The following TM7SF3 variants were observed in gnomAD, a reference collection of about 807,000 sequenced individuals.
The protein encoded by TM7SF3 is transmembrane 7 superfamily member 3, also known as seven span transmembrane protein.
A neutral mutation model predicts 65.5 loss-of-function variants in TM7SF3; 60 were observed. The observed-to-expected ratio is 0.92, with a 90% CI of 0.74 to 1.14. The LOEUF is 1.14. Among genes scored for constraint, TM7SF3 ranks in the 50% most tolerant of loss-of-function variants. TM7SF3 has a pLI of 0.00. For missense variants in TM7SF3, 623 were observed against 684.8 expected, an observed-to-expected ratio of 0.91 and a Z score of 1.01; for synonymous variants, 264 against 259.6, an observed-to-expected ratio of 1.02 and a Z score of -0.16.
Position 26,972,320 on chromosome 12 carries a change from A to G in TM7SF3, c.*1645T>C, listed in dbSNP as rs529278804. 1 of 152,342 alleles carries G rather than the reference A, an allele frequency of 6.6e-6. No individual in the cohort carries two copies. Among genetic ancestry groups the G allele is most frequent in the Non-Finnish European group, 1.5e-5 (1 of 68,034 alleles). The allele number at this position is 152,342 out of a possible 1,614,324, so 9.4% of individuals were successfully genotyped here. A position where few individuals can be genotyped will look rare whatever the true frequency, so the allele number is the denominator to read the frequency against. ...TGTACAAAGGCTTTGTACAGAAATT[A>G]TTAAAAACTATATTTTACACTAATG... On this transcript the variant is annotated 3_prime_UTR_variant, in exon 12 of 12. Coordinates refer to ENST00000343028, the MANE Select transcript of TM7SF3 (RefSeq NM_016551.3).
In TM7SF3 at chr12:26,992,576, G is replaced by A. The variant is rs150400881; in HGVS notation, c.691-1949C>T. Among the ~76,000 whole-genome samples the A allele has an allele frequency of 1.8e-3, 278 of 152,238 alleles. 1 individual carries two copies. Among genetic ancestry groups the A allele is most frequent in the East Asian group, 0.01 (54 of 5,170 alleles). On this transcript the variant is annotated intron_variant, in intron 5 of 11. Transcript: ENST00000343028. The stretch of plus-strand genomic sequence containing the variant: ...TGGGATTACAGGCGTGAGCCACCAT[G>A]TCCGGCCCACAAATGCTATTTTATA...
intron 1 of TM7SF3, among the ~76,000 whole-genome samples, chr12:27,006,433 G>A (rs1941040280): frequency 2.0e-5 from 3 of 152,008 alleles, no homozygotes; most frequent in African/African-American, 4.8e-5. Flanking sequence ...CACCACGCCA[G>A]GCCAACTCTA....
Position 26,974,044 on chromosome 12 carries a change from A to G in TM7SF3, c.1634T>C (p.Leu545Pro), listed in dbSNP as rs141442318. The G allele has an allele frequency of 1.3e-4, 213 of 1,614,002 alleles. No homozygotes were observed. Among genetic ancestry groups the G allele is most frequent in the Non-Finnish European group, 1.7e-4 (197 of 1,180,032 alleles). Residue 545 changes from leucine (L) to proline (P), a missense_variant, in exon 12 of 12, where the codon CTC (leucine) becomes CCC (proline). Physicochemically the swap from Leu to Pro is moderately conservative, Grantham distance 98. Coordinates refer to ENST00000343028, the MANE Select transcript of TM7SF3 (RefSeq NM_016551.3). ...SYHIPPLRER[L>P]YGRLTQIKGL... Reference sequence around the variant, plus strand: ...TTTAATCTGGGTTAATCGGCCATAGAGCCTCTCTCTCAATGGAGGAATGTG... The same window carrying G: ...TTTAATCTGGGTTAATCGGCCATAGGGCCTCTCTCTCAATGGAGGAATGTG...
In TM7SF3 at chr12:26,975,665, A is replaced by G; in HGVS notation, c.1288-7T>C. The G allele has an allele frequency of 6.2e-7, 1 of 1,611,490 alleles. No homozygotes were observed. The highest frequency in any genetic ancestry group is 8.5e-7 in the Non-Finnish European group (1 of 1,178,586). ...CACAAGTCAGTATGTTCAGCTGTGG[A>G]AGAGTGGAAGAGTTTAGGCATCATC... On this transcript the variant is annotated splice_polypyrimidine_tract_variant and splice_region_variant and intron_variant, in intron 10 of 11. Coordinates refer to ENST00000343028, the MANE Select transcript of TM7SF3 (RefSeq NM_016551.3).
At chr12:26,999,448 A>G in intron 3 of TM7SF3, 78 bp downstream of exon 3, 1 of 1,450,726 alleles carries the variant, frequency 6.9e-7, no homozygotes, top group Non-Finnish European at 9.5e-7. Context: ...CAATCTCAAT[A>G]GGATAATTTT....
At position 26,980,259 on chromosome 12, in the gene TM7SF3, GA is replaced by G. The variant is rs941507283; in HGVS notation, c.1036+306del. On this transcript the variant is annotated intron_variant, in intron 8 of 11. Coordinates refer to ENST00000343028, the MANE Select transcript of TM7SF3 (RefSeq NM_016551.3). ...AGGGAGGTATCTGTTTTCAGGTAAA[GA>G]AAACCTCAACATTTTGCTTGTTGTA... 1.5e-5 allele frequency: 8 copies of G among 526,450 alleles called. No individual in the cohort carries two copies. The East Asian group carries it at 1.9e-4, about 13-fold the overall frequency. The allele number at this position is 526,450 out of a possible 1,614,324, so 32.6% of individuals were successfully genotyped here.
At chr12:27,012,907 A>G (rs907402775) in intron 1 of TM7SF3, 5 of 350,286 alleles carry the variant, frequency 1.4e-5, no homozygotes, top group Non-Finnish European at 2.8e-5. Context: ...CTGAGGCAGG[A>G]GAATTGCTTG....
intron 6 of TM7SF3, among the ~76,000 whole-genome samples, chr12:26,985,980 C>T (rs1398590285): frequency 9.6e-5 from 14 of 145,406 alleles, no homozygotes; most frequent in Non-Finnish European, 1.8e-4. Context: ...CCACCATGCC[C>T]GGCTAATGTT....
chr12:27,004,588 C>T (rs918283306), intron 1 of TM7SF3, among the ~76,000 whole-genome samples: 1 of 150,742 alleles, frequency 6.6e-6, no homozygotes, highest in African/African-American at 2.4e-5. Context: ...TTTTTTAATA[C>T]GAAAGCTCCA....
chr12:26,983,449 C>A (rs1044136749), intron 6 of TM7SF3: 1 of 395,618 alleles, frequency 2.5e-6, no homozygotes, highest in Non-Finnish European at 5.2e-6. Context: ...GTTAATGACA[C>A]GGTGGTTCTA....
intron 5 of TM7SF3, 132 bp downstream of exon 5, chr12:26,995,105 A>G: frequency 1.1e-6 from 1 of 909,778 alleles, no homozygotes; most frequent in Admixed American, 2.7e-5. Flanking sequence ...GATGATAACA[A>G]AAGAGAATAA....
At chr12:26,978,136 GA>G in intron 9 of TM7SF3, 1 of 428,940 alleles carries the variant, frequency 2.3e-6, no homozygotes, top group South Asian at 1.7e-5. Context: ...TAGCATTGAG[GA>G]GATGATCACT....
Position 26,973,205 on chromosome 12 carries a change from G to A in TM7SF3, c.*760C>T, listed in dbSNP as rs1327896432. The A allele has an allele frequency of 2.0e-5, 3 of 151,080 alleles. No homozygotes were observed. The highest frequency in any genetic ancestry group is 2.9e-5 in the Non-Finnish European group (2 of 67,836). The allele number at this position is 151,080 out of a possible 1,614,324, so 9.4% of individuals were successfully genotyped here. A position where few individuals can be genotyped will look rare whatever the true frequency, so the allele number is the denominator to read the frequency against. ...TTTTTTTTTTAATTTCTCGAGACAGGGTCTCTGTCACCCAAGCTGGAGTGC... is the reference window on the plus strand; with the variant it reads ...TTTTTTTTTTAATTTCTCGAGACAGAGTCTCTGTCACCCAAGCTGGAGTGC... On this transcript the variant is annotated 3_prime_UTR_variant, in exon 12 of 12. Coordinates refer to ENST00000343028, the MANE Select transcript of TM7SF3 (RefSeq NM_016551.3).
At chr12:26,982,674 T>C (rs1565869689) in intron 7 of TM7SF3, 99 bp downstream of exon 7, 5 of 738,094 alleles carry the variant, frequency 6.8e-6, no homozygotes, top group East Asian at 2.8e-5. Context: ...TCTATGAAGA[T>C]AGTAGAGATA....
chr12:27,009,138 T>C (rs1272116482), intron 1 of TM7SF3, among the ~76,000 whole-genome samples: 1 of 152,230 alleles, frequency 6.6e-6, no homozygotes, highest in Non-Finnish European at 1.5e-5. Context: ...TGTCTAGCTA[T>C]AGACACCAAT....
chr12:26,978,265 G>C (rs1939658470), intron 9 of TM7SF3: 1 of 181,828 alleles, frequency 5.5e-6, no homozygotes, highest in Non-Finnish European at 1.2e-5. Context: ...AACTGCTCTA[G>C]ACTACTTTAT....
intron 3 of TM7SF3, among the ~76,000 whole-genome samples, chr12:26,997,454 G>C (rs1940644200): frequency 1.3e-5 from 2 of 152,046 alleles, no homozygotes; most frequent in Admixed American, 1.3e-4. Flanking sequence ...ACCACAAATG[G>C]TATGTATGCC....
At chr12:26,999,253 G>A (rs924351791) in intron 3 of TM7SF3, among the ~76,000 whole-genome samples, 1 of 151,974 alleles carries the variant, frequency 6.6e-6, no homozygotes, top group African/African-American at 2.4e-5. Context: ...AAAATTAGCT[G>A]GGCCTGGTGG....
intron 2 of TM7SF3, among the ~76,000 whole-genome samples, chr12:27,000,631 T>C (rs1205729544): frequency 6.6e-6 from 1 of 152,080 alleles, no homozygotes. Flanking sequence ...GGCTAATTTT[T>C]TGTACTTTTA....
Sources: gnomAD v4.1 joint callset for allele counts (sites outside exome capture counted in the v4.1 genomes callset) on GRCh38, gnomAD v4.1.1 for gene constraint, MANE v1.5 for transcripts, NCBI Gene and HGNC (gene_info 2026-07-23, HGNC 2026-07-21) for gene names.